The following POF1B variants were observed in gnomAD, a reference collection of about 807,000 sequenced individuals.
The protein encoded by POF1B is protein POF1B.
POF1B carries 53 observed loss-of-function variants against 55.3 expected under a neutral mutation model. That is an observed-to-expected ratio of 0.96 (90% confidence interval 0.77 to 1.20). POF1B has a LOEUF of 1.20. POF1B is among the 50% of genes most tolerant of loss of function. The pLI is 0.00. For missense variants in POF1B, 478 were observed against 420.5 expected (o/e 1.14, Z -1.20); for synonymous variants, 188 against 148.3 (o/e 1.27, Z -1.95).
intron 2 of POF1B, among the ~76,000 whole-genome samples, chrX:85,368,391 A>C (rs185981177): frequency 6.3e-5 from 7 of 111,512 alleles, no homozygotes; most frequent in African/African-American, 2.3e-4. Flanking sequence ...ATAAATATAC[A>C]CATTTACTAT....
chrX:85,337,466 A>G (rs1420145879), intron 6 of POF1B, among the ~76,000 whole-genome samples: 1 of 111,776 alleles, frequency 8.9e-6, no homozygotes, highest in Non-Finnish European at 1.9e-5. Context: ...GTTCTTATGA[A>G]GAAGCTTTTT....
intron 6 of POF1B, among the ~76,000 whole-genome samples, chrX:85,336,469 G>T (rs773036975): frequency 9.0e-6 from 1 of 110,577 alleles, no homozygotes; most frequent in Non-Finnish European, 1.9e-5. Flanking sequence ...ACCAGCATGT[G>T]TTATTGCCTG....
chrX:85,305,370 C>T (rs778938801), intron 13 of POF1B, among the ~76,000 whole-genome samples: 6 of 110,665 alleles, frequency 5.4e-5, no homozygotes, highest in African/African-American at 1.6e-4. Flanking sequence ...TTTTCCTCCT[C>T]ATGCTTGACA....
At chrX:85,317,267 C>A (rs1013467129) in intron 7 of POF1B, among the ~76,000 whole-genome samples, 1 of 107,710 alleles carries the variant, frequency 9.3e-6, no homozygotes, top group African/African-American at 3.3e-5. Context: ...AGTCCAAGAA[C>A]TTAAAACATA....
intron 7 of POF1B, among the ~76,000 whole-genome samples, chrX:85,321,131 C>A (rs1182995637): frequency 2.7e-5 from 3 of 111,355 alleles, no homozygotes; most frequent in Non-Finnish European, 5.7e-5. Context: ...CGGGAAGAGA[C>A]ACAACCAAAA....
intron 7 of POF1B, among the ~76,000 whole-genome samples, chrX:85,321,629 A>G (rs1284307931): frequency 1.9e-5 from 2 of 106,469 alleles, no homozygotes; most frequent in African/African-American, 3.6e-5. Context: ...AGGGTATTCA[A>G]TTAGGAAAAG....
At chrX:85,286,615 A>G (rs1932060600) in intron 15 of POF1B, among the ~76,000 whole-genome samples, 1 of 111,529 alleles carries the variant, frequency 9.0e-6, no homozygotes, top group Admixed American at 9.6e-5. Context: ...CATATGTACC[A>G]TGCAATTTCT....
chrX:85,316,629 G>T (rs139333531), intron 7 of POF1B, among the ~76,000 whole-genome samples: 1 of 110,911 alleles, frequency 9.0e-6, no homozygotes, highest in South Asian at 3.8e-4. Context: ...AGTAAACATG[G>T]GTTCTGACAG....
intron 11 of POF1B, 32 bp downstream of exon 11, chrX:85,307,131 G>A (rs1466832287): frequency 8.7e-6 from 9 of 1,040,200 alleles, no homozygotes; most frequent in African/African-American, 7.4e-5. Context: ...AGCTATCAAT[G>A]TAGATTAACA....
chrX:85,323,053 T>C (rs1173276509), intron 7 of POF1B, among the ~76,000 whole-genome samples: 3 of 110,819 alleles, frequency 2.7e-5, no homozygotes, highest in African/African-American at 9.9e-5. Context: ...CTCCGGGATC[T>C]AGAACTAGAA....
In POF1B at chrX:85,282,110, C is replaced by CA. The variant is rs997569102; in HGVS notation, c.1764+92dup. On this transcript the variant is annotated intron_variant, in intron 16 of 16. Transcript: ENST00000262753. Reference sequence around the variant, plus strand: ...GAAAATCTCAAAAGAAAAAAATACTCAAAGTTTTTAGTTCATTTGATATTT... The same window carrying CA: ...GAAAATCTCAAAAGAAAAAAATACTCAAAAGTTTTTAGTTCATTTGATATTT... The CA allele has an allele frequency of 3.1e-6, 3 of 958,038 alleles. No individual in the cohort carries two copies. The African/African-American group carries it at 6.2e-5, about 20-fold the overall frequency. 79.0% of individuals were successfully genotyped at this position (958,038 alleles called of 1,213,427 possible).
intron 6 of POF1B, among the ~76,000 whole-genome samples, chrX:85,333,588 C>A (rs1218003678): frequency 2.7e-5 from 3 of 110,629 alleles, no homozygotes; most frequent in Non-Finnish European, 5.7e-5. Context: ...AAGCCTCCAA[C>A]AACAACAACA....
intron 2 of POF1B, among the ~76,000 whole-genome samples, chrX:85,377,926 G>C (rs183984507): frequency 1.4e-4 from 16 of 112,050 alleles, no homozygotes; most frequent in Non-Finnish European, 2.4e-4. Flanking sequence ...AGCTATGGCA[G>C]ATAGGATGAT....
At position 85,296,515 on chromosome X, in the gene POF1B, T is replaced by C. The variant is rs757288519; in HGVS notation, c.1649+6891A>G. 2.7e-5 allele frequency among the ~76,000 whole-genome samples: 3 copies of C among 112,461 alleles called. No homozygotes were observed. In the East Asian group the frequency reaches 8.4e-4, roughly 31 times the overall value. ...TTATGAAGCATAGCTTGGTGGGATATGAAATTCTTGGTTGGAATTTCTTTT... is the reference window on the plus strand; with the variant it reads ...TTATGAAGCATAGCTTGGTGGGATACGAAATTCTTGGTTGGAATTTCTTTT... On this transcript the variant is annotated intron_variant, in intron 15 of 16. Coordinates refer to ENST00000262753, the MANE Select transcript of POF1B (RefSeq NM_024921.4).
chrX:85,358,686 A>G (rs887196094), intron 4 of POF1B, among the ~76,000 whole-genome samples: 2 of 111,008 alleles, frequency 1.8e-5, no homozygotes, highest in African/African-American at 6.5e-5. Flanking sequence ...GACTGAGATT[A>G]TTTTAATGAC....
At chrX:85,374,746 G>A (rs1297602624) in intron 2 of POF1B, among the ~76,000 whole-genome samples, 1 of 111,759 alleles carries the variant, frequency 8.9e-6, no homozygotes, top group Non-Finnish European at 1.9e-5. Flanking sequence ...AATTTGCCAA[G>A]GCAAACCTCC....
chrX:85,293,075 G>A (rs770453763), intron 15 of POF1B, among the ~76,000 whole-genome samples: 1 of 111,880 alleles, frequency 8.9e-6, no homozygotes, highest in African/African-American at 3.3e-5. Context: ...ATACACTGTT[G>A]GAGGTGTGTA....
intron 7 of POF1B, among the ~76,000 whole-genome samples, chrX:85,319,846 C>T (rs761010946): frequency 1.8e-5 from 2 of 111,218 alleles, no homozygotes; most frequent in South Asian, 7.4e-4. Context: ...TTGTTGCATC[C>T]ATGCCAGGTT....
chrX:85,304,286 A>C, intron 14 of POF1B, 57 bp downstream of exon 14: 1 of 989,466 alleles, frequency 1.0e-6, no homozygotes, highest in Non-Finnish European at 1.3e-6. Flanking sequence ...TTTATCCTAC[A>C]GTACTACAGT....
Sources: gnomAD v4.1 joint callset for allele counts (sites outside exome capture counted in the v4.1 genomes callset) on GRCh38, gnomAD v4.1.1 for gene constraint, MANE v1.5 for transcripts, NCBI Gene and HGNC (gene_info 2026-07-23, HGNC 2026-07-21) for gene names.